Variants in GLP2R observed in about 807,000 individuals in gnomAD.
GLP2R encodes glucagon-like peptide 2 receptor.
Under a neutral mutation model 68.2 loss-of-function variants are expected in GLP2R, and 59 were observed. The observed-to-expected ratio is 0.87, with a 90% confidence interval of 0.70 to 1.07. The LOEUF (loss-of-function observed/expected upper bound fraction) is 1.07. GLP2R is among the 50% of genes least tolerant of loss of function. The pLI is 0.00. For synonymous variants in GLP2R, 270 were observed against 265.4 expected, an observed-to-expected ratio of 1.02 and a Z score of -0.17; for missense variants, 548 against 677.4, an observed-to-expected ratio of 0.81 and a Z score of 2.12.
At chr17:9,871,852 G>A (rs1886467993) in intron 10 of GLP2R, among the ~76,000 whole-genome samples, 1 of 151,040 alleles carries the variant, frequency 6.6e-6, no homozygotes, top group Non-Finnish European at 1.5e-5. Context: ...AGCCTCCTGA[G>A]TAGCTGGGAT....
chr17:9,847,584 G>C (rs1273128831), intron 4 of GLP2R, among the ~76,000 whole-genome samples: 1 of 152,044 alleles, frequency 6.6e-6, no homozygotes, highest in African/African-American at 2.4e-5. Context: ...TAATTTTTAA[G>C]AATGCTCATG....
intron 10 of GLP2R, among the ~76,000 whole-genome samples, chr17:9,879,739 C>T (rs746049297): frequency 7.9e-5 from 12 of 152,170 alleles, no homozygotes; most frequent in Middle Eastern, 3.2e-3. Flanking sequence ...ACCTCCACGC[C>T]GCACTTTTTA....
intron 3 of GLP2R, 93 bp from the exon 4 acceptor site, chr17:9,842,402 C>A: frequency 6.7e-7 from 1 of 1,503,726 alleles, no homozygotes; most frequent in South Asian, 1.2e-5. Context: ...AATGAAAATC[C>A]CTTCTCCCTG....
At chr17:9,857,359 C>CAG in intron 5 of GLP2R, 64 bp from the exon 6 acceptor site, 1 of 1,461,272 alleles carries the variant, frequency 6.8e-7, no homozygotes, top group South Asian at 1.2e-5. Context: ...GCATAAAAGG[C>CAG]AGAGGCCTGT....
At chr17:9,884,049 T>C (rs1384323031) in intron 11 of GLP2R, among the ~76,000 whole-genome samples, 2 of 152,118 alleles carry the variant, frequency 1.3e-5, no homozygotes, top group Non-Finnish European at 1.5e-5. Flanking sequence ...TTTGGGCTTA[T>C]AACATATAAA....
intron 11 of GLP2R, among the ~76,000 whole-genome samples, chr17:9,882,875 A>C (rs944229137): frequency 1.3e-5 from 2 of 152,002 alleles, no homozygotes; most frequent in Non-Finnish European, 2.9e-5. Context: ...CACTCCAGGG[A>C]TGGGGACTGG....
chr17:9,844,668 C>CTTTTTTTTTTTTTTTTTTTTTTT (rs71139004), intron 4 of GLP2R, among the ~76,000 whole-genome samples: 1 of 44,276 alleles, frequency 2.3e-5, no homozygotes, highest in Non-Finnish European at 4.7e-5. Context: ...CTACCTAATT[C>CTTTTTTTTTTTTTTTTTTTTTTT]TTTTTTTTTT....
intron 1 of GLP2R, among the ~76,000 whole-genome samples, chr17:9,830,763 C>T (rs1387004075): frequency 6.6e-6 from 1 of 152,184 alleles, no homozygotes; most frequent in Non-Finnish European, 1.5e-5. Flanking sequence ...ATCTCACCCC[C>T]TCCCTTTTGA....
chr17:9,826,475 T>C (rs1377055656), intron 1 of GLP2R, among the ~76,000 whole-genome samples: 2 of 152,080 alleles, frequency 1.3e-5, no homozygotes, highest in Non-Finnish European at 2.9e-5. Context: ...CAACAGCTGA[T>C]ATTAGGAAGC....
At chr17:9,855,646 T>C (rs540306996) in intron 5 of GLP2R, among the ~76,000 whole-genome samples, 208 of 152,378 alleles carry the variant, frequency 1.4e-3, no homozygotes, top group Admixed American at 2.2e-3. Flanking sequence ...CGTTTAAATG[T>C]CATCCCTAAT....
chr17:9,865,745 T>A (rs73974316), intron 9 of GLP2R: 8,167 of 458,996 alleles, frequency 0.018, 495 homozygotes, highest in African/African-American at 0.14. Context: ...TTAAAATAAG[T>A]CAACAGGCAT....
chr17:9,837,067 A>G (rs900447132), intron 3 of GLP2R, among the ~76,000 whole-genome samples: 2 of 151,856 alleles, frequency 1.3e-5, no homozygotes, highest in African/African-American at 2.4e-5. Flanking sequence ...GTTAGCCAGG[A>G]TGGTCTCAGT....
At chr17:9,826,347 G>C (rs1370355118) in intron 1 of GLP2R, 95 bp downstream of exon 1, 4 of 775,794 alleles carry the variant, frequency 5.2e-6, no homozygotes, top group African/African-American at 3.5e-5. Flanking sequence ...ATTTGGAAAA[G>C]AGAAAACAGT....
At chr17:9,847,481 G>A (rs952734300) in intron 4 of GLP2R, among the ~76,000 whole-genome samples, 3 of 152,086 alleles carry the variant, frequency 2.0e-5, no homozygotes, top group Non-Finnish European at 2.9e-5. Flanking sequence ...TGTTGGCCAG[G>A]CTGGTCTCGA....
rs116292799 is a variant in GLP2R, at chr17:9,829,073, T to A, written c.189+2821T>A. Among the ~76,000 whole-genome samples, 685 of 152,298 alleles carry A rather than the reference T, an allele frequency of 4.5e-3. 5 individuals carry two copies. Among genetic ancestry groups the A allele is most frequent in the African/African-American group, 0.015 (618 of 41,554 alleles). On this transcript the variant is annotated intron_variant, in intron 1 of 12. Coordinates refer to ENST00000262441, the MANE Select transcript of GLP2R (RefSeq NM_004246.3). ...TCCCTGCATGGAATATAAATGACTG[T>A]GGTGTGTGTTCTGGCAGGAAGTCTT...
chr17:9,861,044 G>T lies in GLP2R; in HGVS notation c.926-95G>T, dbSNP rs2066982636. On this transcript the variant is annotated intron_variant, in intron 7 of 12. Coordinates refer to ENST00000262441, the MANE Select transcript of GLP2R (RefSeq NM_004246.3). ...ACTCCATGATGTTAGGTTTGATGTT[G>T]TAACCACCTGTGGTTAGCCTCATCC... is the stretch of plus-strand genomic sequence containing the variant. The T allele has an allele frequency of 3.6e-6, 3 of 842,312 alleles. No homozygotes were observed. In the South Asian group the frequency reaches 4.1e-5, roughly 12 times the overall value. The allele number at this position is 842,312 out of a possible 1,614,324, so 52.2% of individuals were successfully genotyped here.
intron 10 of GLP2R, among the ~76,000 whole-genome samples, chr17:9,873,501 G>A (rs2067114485): frequency 2.0e-5 from 3 of 148,790 alleles, no homozygotes; most frequent in Admixed American, 6.7e-5. Context: ...CCCTTTGAAT[G>A]GAAGGACATT....
chr17:9,842,724 G>A, intron 4 of GLP2R, 108 bp downstream of exon 4: 1 of 1,221,610 alleles, frequency 8.2e-7, no homozygotes, highest in Non-Finnish European at 1.2e-6. Flanking sequence ...GGCTTCTCCA[G>A]CGCCTCTCCC....
Position 9,852,812 on chromosome 17 carries a change from C to CA in GLP2R, c.505-1683_505-1682insA, listed in dbSNP as rs61659511. 4.8e-5 allele frequency: 14 copies of CA among 290,490 alleles called. No individual in the cohort carries two copies. In the East Asian group the frequency reaches 8.9e-4, roughly 18 times the overall value. The allele number at this position is 290,490 out of a possible 1,614,324, so 18.0% of individuals were successfully genotyped here. ...TCATCATCTTCTTCAACATCATCAT[C>CA]TTCATCATCATCATCATCTTCTCCA... On this transcript the variant is annotated intron_variant, in intron 4 of 12. Coordinates refer to ENST00000262441, the MANE Select transcript of GLP2R (RefSeq NM_004246.3).
Sources: gnomAD v4.1 joint callset for allele counts (sites outside exome capture counted in the v4.1 genomes callset) on GRCh38, gnomAD v4.1.1 for gene constraint, MANE v1.5 for transcripts, NCBI Gene and HGNC (gene_info 2026-07-23, HGNC 2026-07-21) for gene names.